Variants in SV2C observed in about 807,000 individuals in gnomAD.
SV2C encodes the protein solute carrier family 22 member B3.
Under a neutral mutation model 79.7 loss-of-function variants are expected in SV2C, and 49 were observed. The ratio of observed to expected loss-of-function variants is 0.61; its 90% confidence interval spans 0.49 to 0.78. The LOEUF is 0.78. SV2C is among the 30% of genes least tolerant of loss of function. The pLI is 0.00. For missense variants in SV2C, 833 were observed against 912.9 expected (o/e 0.91, Z 1.13); for synonymous variants, 334 against 333.2 (o/e 1.00, Z -0.03).
At chr5:76,115,469 GA>G (rs753111043) in intron 1 of SV2C, among the ~76,000 whole-genome samples, 88 of 152,308 alleles carry the variant, frequency 5.8e-4, no homozygotes, top group Middle Eastern at 3.4e-3. Flanking sequence ...GTACAATGAA[GA>G]GCTGGATTTT....
intron 2 of SV2C, among the ~76,000 whole-genome samples, chr5:76,189,621 T>C (rs1481459744): frequency 6.6e-6 from 1 of 152,202 alleles, no homozygotes; most frequent in African/African-American, 2.4e-5. Context: ...TTGATCATCT[T>C]TGGATGCAGA....
the SV2C span, among the ~76,000 whole-genome samples, chr5:75,953,732 C>T: frequency 1.3e-5 from 2 of 151,894 alleles, no homozygotes; most frequent in Non-Finnish European, 2.9e-5. Flanking sequence ...ATCTGAGTTG[C>T]GTTTTATACC....
intron 9 of SV2C, among the ~76,000 whole-genome samples, chr5:76,296,638 G>T (rs976547982): frequency 1.3e-4 from 20 of 152,124 alleles, no homozygotes; most frequent in Admixed American, 6.5e-5. Flanking sequence ...GCCAGTGTAA[G>T]TTCATGATAG....
chr5:75,997,901 T>C, the SV2C span, among the ~76,000 whole-genome samples: 12 of 152,118 alleles, frequency 7.9e-5, no homozygotes, highest in African/African-American at 2.9e-4. Flanking sequence ...CGTATGTTTA[T>C]TGTGGCACTA....
At chr5:76,347,180 T>C (rs1580092740) in intron 12 of SV2C, among the ~76,000 whole-genome samples, 1 of 152,208 alleles carries the variant, frequency 6.6e-6, no homozygotes, top group East Asian at 1.9e-4. Context: ...TTCAGAATTT[T>C]GCCATATTGA....
the SV2C span, among the ~76,000 whole-genome samples, chr5:76,002,719 C>T: frequency 6.6e-6 from 1 of 151,992 alleles, no homozygotes. Flanking sequence ...AGCAGAAAAG[C>T]TGAGGGAAAA....
the SV2C span, among the ~76,000 whole-genome samples, chr5:75,971,273 G>A: frequency 1.8e-4 from 28 of 152,096 alleles, no homozygotes; most frequent in African/African-American, 4.1e-4. Flanking sequence ...ACAAGACAGT[G>A]ATGCCCTCTC....
intron 12 of SV2C, among the ~76,000 whole-genome samples, chr5:76,347,216 C>G (rs557272716): frequency 2.0e-5 from 3 of 152,174 alleles, no homozygotes; most frequent in Non-Finnish European, 2.9e-5. Flanking sequence ...CTTTTTACCC[C>G]CATTTGTACC....
At chr5:76,323,190 GA>G (rs1235977412) in intron 12 of SV2C, among the ~76,000 whole-genome samples, 2 of 152,014 alleles carry the variant, frequency 1.3e-5, no homozygotes, top group African/African-American at 4.8e-5. Context: ...AAATTTACCA[GA>G]AAAAAATAAA....
chr5:76,148,744 T>A (rs1749512542), intron 2 of SV2C, among the ~76,000 whole-genome samples: 1 of 152,208 alleles, frequency 6.6e-6, no homozygotes, highest in South Asian at 2.1e-4. Flanking sequence ...TGAGCCACGA[T>A]GTCTGGCCTC....
At chr5:76,351,502 T>C (rs1257757816) in intron 12 of SV2C, among the ~76,000 whole-genome samples, 1 of 152,134 alleles carries the variant, frequency 6.6e-6, no homozygotes, top group African/African-American at 2.4e-5. Context: ...TATTTTGCTT[T>C]GGAAACCTCT....
At chr5:76,183,677 T>C (rs1184836393) in intron 2 of SV2C, among the ~76,000 whole-genome samples, 1 of 152,108 alleles carries the variant, frequency 6.6e-6, no homozygotes, top group African/African-American at 2.4e-5. Flanking sequence ...CTCTTGCCAC[T>C]CTCCCCCAAC....
chr5:75,903,915 T>G, the SV2C span, among the ~76,000 whole-genome samples: 1 of 152,244 alleles, frequency 6.6e-6, no homozygotes, highest in Non-Finnish European at 1.5e-5. Context: ...TTTAAAATTT[T>G]GTTTACAACT....
At chr5:76,020,252 G>A in the SV2C span, among the ~76,000 whole-genome samples, 2 of 152,148 alleles carry the variant, frequency 1.3e-5, no homozygotes, top group Admixed American at 6.6e-5. Context: ...GGACAAAGGA[G>A]TTCCTTGCAG....
At chr5:75,898,479 G>A in the SV2C span, among the ~76,000 whole-genome samples, 7 of 152,184 alleles carry the variant, frequency 4.6e-5, no homozygotes, top group East Asian at 3.9e-4. Flanking sequence ...CCAGTATTTT[G>A]TTGAGGATTT....
At chr5:76,293,075 C>T (rs139748006) in intron 8 of SV2C, among the ~76,000 whole-genome samples, 2 of 152,156 alleles carry the variant, frequency 1.3e-5, no homozygotes, top group Non-Finnish European at 2.9e-5. Context: ...GTCAGGAGAC[C>T]TAGCAGCCCA....
At chr5:76,055,703 G>A in the SV2C span, among the ~76,000 whole-genome samples, 2 of 152,068 alleles carry the variant, frequency 1.3e-5, no homozygotes, top group Non-Finnish European at 2.9e-5. Context: ...TCCTTGAAGA[G>A]GTCCTTCATG....
the SV2C span, among the ~76,000 whole-genome samples, chr5:75,996,323 T>G: frequency 1.3e-5 from 2 of 152,310 alleles, no homozygotes; most frequent in African/African-American, 4.8e-5. Flanking sequence ...CTGAGGGCTC[T>G]GTTCCGTTCC....
At chr5:76,228,120 G>T (rs376089979) in intron 4 of SV2C, among the ~76,000 whole-genome samples, 1 of 151,664 alleles carries the variant, frequency 6.6e-6, no homozygotes, top group African/African-American at 2.4e-5. Context: ...CTAAGGCATT[G>T]TATCAGTGGC....
Sources: allele counts gnomAD v4.1 joint callset (sites outside exome capture counted in the v4.1 genomes callset), GRCh38; gene constraint gnomAD v4.1.1; transcripts MANE v1.5; gene names NCBI Gene and HGNC (gene_info 2026-07-23, HGNC 2026-07-21).